Variants in PLCB1 observed in about 807,000 individuals in gnomAD.
The protein encoded by PLCB1 is 1-phosphatidylinositol 4,5-bisphosphate phosphodiesterase beta-1.
PLCB1 carries 46 observed loss-of-function variants against 161.8 expected under a neutral mutation model. The ratio of observed to expected loss-of-function variants is 0.28; its 90% confidence interval spans 0.22 to 0.36. The LOEUF (loss-of-function observed/expected upper bound fraction) is 0.36. Among genes scored for constraint, PLCB1 ranks in the 10% least tolerant of loss-of-function variants. PLCB1 has a pLI of 1.00. For missense variants in PLCB1, 1,016 were observed against 1,472.5 expected, an observed-to-expected ratio of 0.69 and a Z score of 5.07; for synonymous variants, 517 against 503.7, an observed-to-expected ratio of 1.03 and a Z score of -0.35.
chr20:8,657,341 C>G, intron 8 of PLCB1, 57 bp downstream of exon 8: 1 of 1,000,044 alleles, frequency 1.0e-6, no homozygotes. Context: ...TCTCAGGTGG[C>G]TAGAGCAGGA....
At chr20:8,556,885 A>T (rs1985974320) in intron 3 of PLCB1, among the ~76,000 whole-genome samples, 1 of 151,844 alleles carries the variant, frequency 6.6e-6, no homozygotes, top group African/African-American at 2.4e-5. Flanking sequence ...ACATGAAAAG[A>T]TGCATAACAT....
At chr20:8,232,225 A>AAG (rs35927160) in intron 2 of PLCB1, among the ~76,000 whole-genome samples, 8,943 of 148,380 alleles carry the variant, frequency 0.06, 316 homozygotes, top group South Asian at 0.1. Context: ...CTCTTTAAAA[A>AAG]AGAGAGAGAG....
intron 2 of PLCB1, among the ~76,000 whole-genome samples, chr20:8,186,482 T>C (rs996682264): frequency 2.0e-5 from 3 of 152,202 alleles, no homozygotes; most frequent in African/African-American, 7.2e-5. Flanking sequence ...GTCTTTATTC[T>C]ATATTGACTG....
intron 4 of PLCB1, among the ~76,000 whole-genome samples, chr20:8,641,061 A>G (rs1180528760): frequency 6.6e-6 from 1 of 152,230 alleles, no homozygotes; most frequent in Non-Finnish European, 1.5e-5. Context: ...ATACTTGAAC[A>G]ACAGTTCTTC....
rs73090259 is a variant in PLCB1 at position 8,418,423 on chromosome 20, A to G, written c.246+46973A>G. Among the ~76,000 whole-genome samples the G allele has an allele frequency of 2.5e-3, 376 of 152,282 alleles. 2 individuals carry two copies. Among genetic ancestry groups the G allele is most frequent in the Non-Finnish European group, 4.4e-3 (299 of 68,022 alleles). ...TTCTGTGCTTGAATATCTTCAGAAC[A>G]TGCAGATTTGTCCTAAACAGGCCTA... On this transcript the variant is annotated intron_variant, in intron 3 of 31. Coordinates refer to ENST00000338037, the MANE Select transcript of PLCB1 (RefSeq NM_015192.4).
intron 10 of PLCB1, among the ~76,000 whole-genome samples, chr20:8,686,947 A>G (rs1298575982): frequency 6.6e-6 from 1 of 152,188 alleles, no homozygotes; most frequent in East Asian, 1.9e-4. Context: ...ACAAAGGAAG[A>G]AAAGATAATT....
At chr20:8,565,784 T>C (rs1986313787) in intron 3 of PLCB1, among the ~76,000 whole-genome samples, 1 of 152,090 alleles carries the variant, frequency 6.6e-6, no homozygotes, top group African/African-American at 2.4e-5. Flanking sequence ...CTGTGTTTTG[T>C]CCTCAGTCAT....
At chr20:8,624,726 GC>G (rs1180925672) in intron 3 of PLCB1, among the ~76,000 whole-genome samples, 1 of 152,124 alleles carries the variant, frequency 6.6e-6, no homozygotes, top group African/African-American at 2.4e-5. Flanking sequence ...AACTTTCTTT[GC>G]AACAGACATG....
chr20:8,262,529 C>T (rs1196288253), intron 2 of PLCB1, among the ~76,000 whole-genome samples: 4 of 152,080 alleles, frequency 2.6e-5, no homozygotes, highest in East Asian at 3.9e-4. Context: ...TAGAGCATGC[C>T]GCTCAGCAGA....
At chr20:8,746,384 ATAT>A in intron 23 of PLCB1, among the ~76,000 whole-genome samples, 1 of 152,378 alleles carries the variant, frequency 6.6e-6, no homozygotes, top group East Asian at 1.9e-4. Flanking sequence ...TTATTAGGAA[ATAT>A]TATGTGATAA....
chr20:8,580,360 T>A (rs1173604954), intron 3 of PLCB1, among the ~76,000 whole-genome samples: 1 of 152,222 alleles, frequency 6.6e-6, no homozygotes, highest in Non-Finnish European at 1.5e-5. Flanking sequence ...AGTTACGCTG[T>A]GATAATGATA....
chr20:8,713,235 C>A (rs1403439318), intron 12 of PLCB1, among the ~76,000 whole-genome samples: 1 of 152,148 alleles, frequency 6.6e-6, no homozygotes, highest in African/African-American at 2.4e-5. Context: ...GTCACCCAGG[C>A]AGGAGTGCAG....
chr20:8,746,124 G>T (rs1202995333), intron 23 of PLCB1, among the ~76,000 whole-genome samples: 5 of 152,122 alleles, frequency 3.3e-5, no homozygotes, highest in Non-Finnish European at 1.5e-5. Flanking sequence ...TAGAGACGGG[G>T]TTTCACCATG....
intron 4 of PLCB1, among the ~76,000 whole-genome samples, chr20:8,635,395 A>G (rs956285423): frequency 2.6e-5 from 4 of 152,198 alleles, no homozygotes; most frequent in African/African-American, 9.6e-5. Context: ...TTTTAACACC[A>G]TGTGCTGCAA....
intron 26 of PLCB1, among the ~76,000 whole-genome samples, chr20:8,770,246 C>A (rs981561422): frequency 2.6e-5 from 4 of 152,218 alleles, no homozygotes; most frequent in African/African-American, 4.8e-5. Flanking sequence ...GCCACCACGC[C>A]CAGCCAAAAT....
chr20:8,396,973 C>A (rs941139656), intron 3 of PLCB1, among the ~76,000 whole-genome samples: 23 of 151,988 alleles, frequency 1.5e-4, no homozygotes, highest in African/African-American at 5.1e-4. Flanking sequence ...GCAGATATCT[C>A]TTCTTCATTT....
intron 2 of PLCB1, among the ~76,000 whole-genome samples, chr20:8,185,451 A>G (rs6039078): frequency 0.38 from 58,008 of 151,844 alleles, 12,672 homozygotes; most frequent in African/African-American, 0.61. Context: ...AGAAGGGAAA[A>G]AGAAGAGATC....
chr20:8,716,381 T>G, intron 13 of PLCB1, 33 bp downstream of exon 13: 1 of 1,451,502 alleles, frequency 6.9e-7, no homozygotes, highest in South Asian at 1.1e-5. Flanking sequence ...CTTGAAGGAA[T>G]GTATGCATTA....
At position 8,872,392 on chromosome 20, in the gene PLCB1, T is replaced by C. The variant is rs566358259; in HGVS notation, c.3424-9230T>C. 2.6e-5 allele frequency among the ~76,000 whole-genome samples: 4 copies of C among 152,306 alleles called. No individual in the cohort carries two copies. In the South Asian group the frequency reaches 8.3e-4, roughly 32 times the overall value. On this transcript the variant is annotated intron_variant, in intron 31 of 31. Transcript: ENST00000338037. ...AGAAATACACTGATCACCATTTCAC[T>C]CCTCATCTTTAGATTTCAGTTGCCA...
Sources: gnomAD v4.1 joint callset for allele counts (sites outside exome capture counted in the v4.1 genomes callset) on GRCh38, gnomAD v4.1.1 for gene constraint, MANE v1.5 for transcripts, NCBI Gene and HGNC (gene_info 2026-07-23, HGNC 2026-07-21) for gene names.